The following TTC7B variants were observed in gnomAD, a reference collection of about 807,000 sequenced individuals.
TTC7B encodes tetratricopeptide repeat domain 7B, also known as tetratricopeptide repeat protein 7B.
Under a neutral mutation model 106.8 loss-of-function variants are expected in TTC7B, and 28 were observed. The ratio of observed to expected loss-of-function variants is 0.26; its 90% CI spans 0.19 to 0.36. TTC7B has a LOEUF of 0.36. Ranked by LOEUF, TTC7B falls within the 10% of genes least tolerant of loss-of-function variation. TTC7B has a pLI of 1.00. For synonymous variants in TTC7B, 405 were observed against 430.6 expected (o/e 0.94, Z 0.74); for missense variants, 862 against 1,076.4 (o/e 0.80, Z 2.79).
At chr14:90,771,949 TTATATAAA>T (rs1679891125) in intron 3 of TTC7B, among the ~76,000 whole-genome samples, 1 of 143,248 alleles carries the variant, frequency 7.0e-6, no homozygotes, top group South Asian at 2.1e-4. Context: ...TGTATAAATT[TTATATAAA>T]TATATAATTA....
At chr14:90,678,002 C>T (rs979832832) in intron 8 of TTC7B, among the ~76,000 whole-genome samples, 1 of 152,134 alleles carries the variant, frequency 6.6e-6, no homozygotes, top group African/African-American at 2.4e-5. Context: ...GAAACAGGGG[C>T]CTGTTGCAAA....
intron 4 of TTC7B, 112 bp downstream of exon 4, chr14:90,744,680 C>T (rs1595342980): frequency 8.7e-7 from 1 of 1,150,010 alleles, no homozygotes; most frequent in Non-Finnish European, 1.3e-6. Flanking sequence ...ACAAGTAAAG[C>T]TTTGCACACA....
At chr14:90,751,414 A>C (rs1004395868) in intron 3 of TTC7B, among the ~76,000 whole-genome samples, 1 of 152,070 alleles carries the variant, frequency 6.6e-6, no homozygotes, top group African/African-American at 2.4e-5. Flanking sequence ...TATTTTTAAG[A>C]GATAGGGTTT....
chr14:90,527,376 G>T lies in TTC7B; in HGVS notation c.*13992C>A, dbSNP rs1034059120. On this transcript the variant is annotated 3_prime_UTR_variant, in exon 20 of 20. Transcript: ENST00000328459. Reference sequence around the variant, plus strand: ...TCACTTGACTCTGAGGATCTTCTACGCCAGGCACTTCACATTGATGTTTCA... The same window carrying T: ...TCACTTGACTCTGAGGATCTTCTACTCCAGGCACTTCACATTGATGTTTCA... The T allele has an allele frequency of 6.6e-6, 1 of 152,048 alleles. No individual in the cohort carries two copies. The highest frequency in any genetic ancestry group is 2.4e-5 in the African/African-American group (1 of 41,370). 9.4% of individuals were successfully genotyped at this position (152,048 alleles called of 1,614,324 possible). A position where few individuals can be genotyped will look rare whatever the true frequency, so the allele number is the denominator to read the frequency against.
intron 1 of TTC7B, 84 bp from the exon 2 acceptor site, chr14:90,786,412 C>T: frequency 1.3e-6 from 2 of 1,550,124 alleles, no homozygotes; most frequent in Non-Finnish European, 1.7e-6. Context: ...CCAGAACCAC[C>T]ACCCTCCGAG....
At chr14:90,784,104 C>T (rs1285161755) in intron 2 of TTC7B, among the ~76,000 whole-genome samples, 2 of 152,130 alleles carry the variant, frequency 1.3e-5, no homozygotes, top group African/African-American at 4.8e-5. Flanking sequence ...CCTCACACCT[C>T]CCAGCAGGAC....
chr14:90,702,038 C>T (rs1888012956), intron 5 of TTC7B, among the ~76,000 whole-genome samples: 1 of 152,080 alleles, frequency 6.6e-6, no homozygotes, highest in Admixed American at 6.6e-5. Context: ...AAGGATTGTC[C>T]TTCACCCGGG....
At chr14:90,659,662 ACAAT>A (rs1886105551) in intron 9 of TTC7B, among the ~76,000 whole-genome samples, 1 of 152,190 alleles carries the variant, frequency 6.6e-6, no homozygotes, top group African/African-American at 2.4e-5. Flanking sequence ...AGAAGCCACC[ACAAT>A]CAATCAGGTG....
chr14:90,617,272 G>A (rs140055799), intron 16 of TTC7B, among the ~76,000 whole-genome samples: 12 of 152,094 alleles, frequency 7.9e-5, no homozygotes, highest in Admixed American at 3.9e-4. Context: ...AACCCCAAAC[G>A]ATATCTTTCA....
At chr14:90,632,671 C>A (rs973466287) in intron 15 of TTC7B, among the ~76,000 whole-genome samples, 12 of 152,164 alleles carry the variant, frequency 7.9e-5, no homozygotes, top group African/African-American at 2.9e-4. Context: ...AAAGTCAGTT[C>A]GTGGTTACGA....
chr14:90,795,168 C>A, intron 1 of TTC7B, among the ~76,000 whole-genome samples: 1 of 151,738 alleles, frequency 6.6e-6, no homozygotes, highest in African/African-American at 2.4e-5. Flanking sequence ...TACTTCCAGC[C>A]AAGAAAGAGT....
intron 3 of TTC7B, among the ~76,000 whole-genome samples, chr14:90,774,970 G>A (rs1264671522): frequency 6.6e-6 from 1 of 152,006 alleles, no homozygotes. Flanking sequence ...TTGAACGCGG[G>A]AGGCAGAAGT....
chr14:90,664,033 A>G (rs777753821), intron 9 of TTC7B, among the ~76,000 whole-genome samples: 34 of 152,096 alleles, frequency 2.2e-4, no homozygotes, highest in Admixed American at 3.9e-4. Context: ...CTCAACTACA[A>G]AAGGAGACTC....
chr14:90,700,785 A>G lies in TTC7B; in HGVS notation c.699-5207T>C, dbSNP rs1386090743. ...CCGGAAAAGCAGATACATACCATGT[A>G]TCTTCTAGGTCCATCACTTTTAGTT... On this transcript the variant is annotated intron_variant, in intron 5 of 19. Coordinates refer to ENST00000328459, the MANE Select transcript of TTC7B (RefSeq NM_001010854.2). Among the ~76,000 whole-genome samples the G allele has an allele frequency of 6.0e-5, 9 of 149,666 alleles. No individual in the cohort carries two copies. The East Asian group carries it at 8.3e-4, about 14-fold the overall frequency.
chr14:90,735,407 T>C (rs1450670312), intron 4 of TTC7B, among the ~76,000 whole-genome samples: 1 of 151,634 alleles, frequency 6.6e-6, no homozygotes, highest in Admixed American at 6.6e-5. Context: ...CTGGGGATGC[T>C]GAGGCGGAAG....
intron 3 of TTC7B, among the ~76,000 whole-genome samples, chr14:90,753,527 T>C (rs1956539): frequency 0.13 from 20,027 of 152,204 alleles, 1,641 homozygotes; most frequent in Non-Finnish European, 0.18. Context: ...AGGTGTCAGA[T>C]AGACTTAGCT....
intron 1 of TTC7B, among the ~76,000 whole-genome samples, chr14:90,792,805 G>A (rs1365070698): frequency 6.6e-6 from 1 of 152,088 alleles, no homozygotes. Flanking sequence ...CTACACATTT[G>A]CAAGATGGAA....
At chr14:90,587,756 G>GA (rs906926309) in intron 18 of TTC7B, among the ~76,000 whole-genome samples, 86 of 152,306 alleles carry the variant, frequency 5.6e-4, no homozygotes, top group African/African-American at 2.1e-3. Context: ...GTGGCAGGTG[G>GA]AGATGCTGGA....
intron 1 of TTC7B, among the ~76,000 whole-genome samples, chr14:90,815,870 T>A (rs1374706224): frequency 6.6e-6 from 1 of 151,340 alleles, no homozygotes; most frequent in African/African-American, 2.4e-5. Flanking sequence ...CCTCCTGTGG[T>A]CCCAGTGGAG....
Sources: gnomAD v4.1 joint callset for allele counts (sites outside exome capture counted in the v4.1 genomes callset) on GRCh38, gnomAD v4.1.1 for gene constraint, MANE v1.5 for transcripts, NCBI Gene and HGNC (gene_info 2026-07-23, HGNC 2026-07-21) for gene names.